SLC2A5: variants seen among roughly 807,000 people sequenced by gnomAD.
SLC2A5 encodes solute carrier family 2, facilitated glucose transporter member 5.
SLC2A5 carries 56 observed loss-of-function variants against 50.3 expected under a neutral mutation model. The ratio of observed to expected loss-of-function variants is 1.11; its 90% confidence interval spans 0.90 to 1.39. The LOEUF (loss-of-function observed/expected upper bound fraction) is 1.39. Ranked by LOEUF, SLC2A5 falls within the 40% of genes most tolerant of loss-of-function variation. The pLI is 0.00. For missense variants in SLC2A5, 566 were observed against 650.1 expected (o/e 0.87, Z 1.41); for synonymous variants, 269 against 281.9 (o/e 0.95, Z 0.46).
upstream of SLC2A5, among the ~76,000 whole-genome samples, chr1:9,070,077 T>TG (rs1557682065): frequency 7.7e-6 from 1 of 130,232 alleles, no homozygotes; most frequent in Non-Finnish European, 1.6e-5. Flanking sequence ...TTTCTGTTTT[T>TG]TTTTTTTTTT....
chr1:9,055,017 A>G (rs1041141938), intron 3 of SLC2A5, among the ~76,000 whole-genome samples: 1 of 152,204 alleles, frequency 6.6e-6, no homozygotes, highest in Non-Finnish European at 1.5e-5. Context: ...AAAATTTTGC[A>G]TAAAAAAGGT....
chr1:9,083,668 C>A (rs1642375688), intron 2 of SLC2A5, among the ~76,000 whole-genome samples: 8 of 151,758 alleles, frequency 5.3e-5, no homozygotes, highest in Admixed American at 5.3e-4. Context: ...GCTAATAATA[C>A]AAAAAAATTA....
chr1:9,088,199 TTCCTCTGGAACCCC>T (rs1334655724), intron 1 of SLC2A5, among the ~76,000 whole-genome samples: 6 of 151,368 alleles, frequency 4.0e-5, no homozygotes, highest in Non-Finnish European at 4.4e-5. Flanking sequence ...GGGTTTTTCC[TTCCTCTGGAACCCC>T]TCCTCTGAAA....
chr1:9,052,293 GA>G (rs2124375084), intron 3 of SLC2A5, among the ~76,000 whole-genome samples: 1 of 152,042 alleles, frequency 6.6e-6, no homozygotes, highest in South Asian at 2.1e-4. Flanking sequence ...CAAAAAAAAA[GA>G]AAGAAAGAAA....
Position 9,035,729 on chromosome 1 carries a change from G to C in SLC2A5, c.*1857C>G, listed in dbSNP as rs1641122056. 6.6e-6 allele frequency: 1 copy of C among 152,170 alleles called. No homozygotes were observed. Among genetic ancestry groups the C allele is most frequent in the Non-Finnish European group, 1.5e-5 (1 of 68,058 alleles). The allele number at this position is 152,170 out of a possible 1,614,324, so 9.4% of individuals were successfully genotyped here. ...ACCTGTGTTAGACCATTTTCATGCTGCTGATAAAGATGTATCAGAGACTGG... is the reference window on the plus strand; with the variant it reads ...ACCTGTGTTAGACCATTTTCATGCTCCTGATAAAGATGTATCAGAGACTGG... On this transcript the variant is annotated 3_prime_UTR_variant, in exon 12 of 12. Transcript: ENST00000377424.
At chr1:9,093,827 C>A in the SLC2A5 span, among the ~76,000 whole-genome samples, 1 of 152,190 alleles carries the variant, frequency 6.6e-6, no homozygotes, top group South Asian at 2.1e-4. Flanking sequence ...CCTTCCTGCA[C>A]CCCTTCATGA....
At chr1:9,041,091 G>A (rs1331363779) in intron 5 of SLC2A5, 1 of 303,582 alleles carries the variant, frequency 3.3e-6, no homozygotes. Flanking sequence ...TCTACAGAGA[G>A]TGTCTAAGCA....
At chr1:9,086,847 G>A (rs933760724) in intron 1 of SLC2A5, among the ~76,000 whole-genome samples, 1 of 152,124 alleles carries the variant, frequency 6.6e-6, no homozygotes, top group African/African-American at 2.4e-5. Context: ...ACCATCCTAA[G>A]TTCCACTTGA....
intron 1 of SLC2A5, among the ~76,000 whole-genome samples, chr1:9,063,780 C>T (rs1469663188): frequency 7.8e-6 from 1 of 127,482 alleles, no homozygotes; most frequent in Middle Eastern, 4.5e-3. Context: ...ACTGCAAGCT[C>T]CGCCTCCCGG....
At chr1:9,067,311 C>T (rs563106542) in intron 1 of SLC2A5, among the ~76,000 whole-genome samples, 1 of 152,336 alleles carries the variant, frequency 6.6e-6, no homozygotes, top group South Asian at 2.1e-4. Context: ...ACCTTCATCC[C>T]TCTGGCCCAG....
chr1:9,040,017 G>C lies in SLC2A5; in HGVS notation c.698-30C>G. ...GGAGAAGCGGCACCGTCGGACCAGG[G>C]CTGGGGAGCAGAACCTGGAGGCCGC... On this transcript the variant is annotated intron_variant, in intron 6 of 11. Coordinates refer to ENST00000377424, the MANE Select transcript of SLC2A5 (RefSeq NM_003039.3). The surrounding 1 kb of genome is among the most constrained non-coding windows in gnomAD (Gnocchi z 4.3). 6.3e-7 allele frequency: 1 copy of C among 1,592,878 alleles called. No homozygotes were observed. Among genetic ancestry groups the C allele is most frequent in the Non-Finnish European group, 8.6e-7 (1 of 1,166,506 alleles).
upstream of SLC2A5, among the ~76,000 whole-genome samples, chr1:9,090,922 T>G (rs1158189513): frequency 2.6e-5 from 4 of 152,344 alleles, no homozygotes; most frequent in East Asian, 7.7e-4. Flanking sequence ...AGCTTTTAAA[T>G]TTTTTGGCTG....
chr1:9,082,288 C>A (rs904868783), intron 2 of SLC2A5, among the ~76,000 whole-genome samples: 14 of 152,052 alleles, frequency 9.2e-5, no homozygotes, highest in Non-Finnish European at 2.1e-4. Flanking sequence ...TGTACTCAAG[C>A]GAATACATGT....
chr1:9,036,351 T>G lies in SLC2A5; in HGVS notation c.*1235A>C, dbSNP rs1161080800. 1 of 152,166 alleles carries G rather than the reference T, an allele frequency of 6.6e-6. No homozygotes were observed. The highest frequency in any genetic ancestry group is 1.5e-5 in the Non-Finnish European group (1 of 68,036). 9.4% of individuals were successfully genotyped at this position (152,166 alleles called of 1,614,324 possible). A position where few individuals can be genotyped will look rare whatever the true frequency, so the allele number is the denominator to read the frequency against. On this transcript the variant is annotated 3_prime_UTR_variant, in exon 12 of 12. Coordinates refer to ENST00000377424, the MANE Select transcript of SLC2A5 (RefSeq NM_003039.3). Reference sequence around the variant, plus strand: ...ACCATGCCCAATTAAAAAAATTTTTTTTGAGATGGGATCTCACTGTGTTGC... The same window carrying G: ...ACCATGCCCAATTAAAAAAATTTTTGTTGAGATGGGATCTCACTGTGTTGC...
At chr1:9,057,067 G>A (rs1641773720) in intron 3 of SLC2A5, among the ~76,000 whole-genome samples, 1 of 152,198 alleles carries the variant, frequency 6.6e-6, no homozygotes, top group South Asian at 2.1e-4. Context: ...TGAGGCGGGT[G>A]GGTCACCTGA....
intron 2 of SLC2A5, among the ~76,000 whole-genome samples, chr1:9,080,710 A>C (rs1173539813): frequency 1.3e-5 from 2 of 152,258 alleles, no homozygotes; most frequent in Non-Finnish European, 2.9e-5. Flanking sequence ...GGCAGGCCAT[A>C]AATAATATCC....
intron 2 of SLC2A5, among the ~76,000 whole-genome samples, chr1:9,079,460 T>C (rs529437931): frequency 6.8e-4 from 104 of 152,290 alleles, no homozygotes; most frequent in Non-Finnish European, 1.2e-3. Flanking sequence ...TTACCCTGGA[T>C]AGACACTCCT....
At chr1:9,056,883 G>C (rs1013686267) in intron 3 of SLC2A5, among the ~76,000 whole-genome samples, 2 of 152,114 alleles carry the variant, frequency 1.3e-5, no homozygotes, top group African/African-American at 4.8e-5. Flanking sequence ...GGCTCCTTCC[G>C]GGTCTGCCCG....
intron 2 of SLC2A5, among the ~76,000 whole-genome samples, chr1:9,079,709 A>C (rs1250438811): frequency 3.3e-5 from 5 of 151,726 alleles, no homozygotes; most frequent in Admixed American, 2.0e-4. Context: ...CTGATCTCAA[A>C]CTCCCGACCT....
Sources: gnomAD v4.1 joint callset for allele counts (sites outside exome capture counted in the v4.1 genomes callset) on GRCh38, gnomAD v4.1.1 for gene constraint, Gnocchi (gnomAD v3.1) non-coding constraint, MANE v1.5 for transcripts, NCBI Gene and HGNC (gene_info 2026-07-23, HGNC 2026-07-21) for gene names.